Variants in RASSF8 observed in about 807,000 individuals in gnomAD.
The protein encoded by RASSF8 is Ras association domain family member 8.
A neutral mutation model predicts 48.5 loss-of-function variants in RASSF8; 22 were observed. The ratio of observed to expected loss-of-function variants is 0.45; its 90% CI spans 0.32 to 0.65. The LOEUF is 0.65. Ranked by LOEUF, RASSF8 falls within the 30% of genes least tolerant of loss-of-function variation. The pLI is 0.03. For missense variants in RASSF8, 418 were observed against 489.2 expected (o/e 0.85, Z 1.37); for synonymous variants, 127 against 171.5 (o/e 0.74, Z 2.03).
downstream of RASSF8, among the ~76,000 whole-genome samples, chr12:26,077,595 G>A (rs970661728): frequency 1.3e-5 from 2 of 152,096 alleles, no homozygotes; most frequent in African/African-American, 4.8e-5. Context: ...TTATTTCTGA[G>A]GCCTCTGTTC....
intron 2 of RASSF8, among the ~76,000 whole-genome samples, chr12:26,044,939 A>G (rs1202633937): frequency 6.6e-6 from 1 of 152,222 alleles, no homozygotes; most frequent in Non-Finnish European, 1.5e-5. Context: ...GTTTTATTAC[A>G]GTGAATAATG....
chr12:25,983,428 A>C (rs975491897), intron 1 of RASSF8, among the ~76,000 whole-genome samples: 6 of 152,238 alleles, frequency 3.9e-5, no homozygotes, highest in African/African-American at 1.4e-4. Flanking sequence ...ATGTGTATGC[A>C]TATGATACAT....
At chr12:26,035,690 GT>G (rs1156592251) in intron 2 of RASSF8, among the ~76,000 whole-genome samples, 2 of 138,604 alleles carry the variant, frequency 1.4e-5, no homozygotes, top group African/African-American at 2.6e-5. Context: ...ATAAACACTT[GT>G]TTTTTTTTAA....
chr12:25,974,540 C>T (rs944984580), intron 1 of RASSF8, among the ~76,000 whole-genome samples: 2 of 150,108 alleles, frequency 1.3e-5, no homozygotes, highest in African/African-American at 2.5e-5. Context: ...CTAGCAGACA[C>T]AGAGCAATAC....
intron 2 of RASSF8, among the ~76,000 whole-genome samples, chr12:26,005,499 A>G (rs1464276102): frequency 6.6e-6 from 1 of 152,224 alleles, no homozygotes; most frequent in Non-Finnish European, 1.5e-5. Context: ...ATTAACCTGA[A>G]TGCAGTAGAG....
Position 26,006,186 on chromosome 12 carries a change from A to C in RASSF8, c.-109+11056A>C, listed in dbSNP as rs148616127. Among the ~76,000 whole-genome samples the C allele has an allele frequency of 1.6e-3, 242 of 152,104 alleles. 1 individual carries two copies. The highest frequency in any genetic ancestry group is 5.5e-3 in the African/African-American group (228 of 41,484). ...GGTCTCTGGCTTCATCCTTATCTCTATCCTTTTCTTCTTCCCTTCCCTTCA... is the reference window on the plus strand; with the variant it reads ...GGTCTCTGGCTTCATCCTTATCTCTCTCCTTTTCTTCTTCCCTTCCCTTCA... On this transcript the variant is annotated intron_variant, in intron 2 of 5. Transcript: ENST00000689635.
Position 25,990,757 on chromosome 12 carries a change from A to AGG in RASSF8, c.-202-4280_-202-4279insGG, listed in dbSNP as rs545344041. Reference sequence around the variant, plus strand: ...TTTATTAGACAACAAAAATTTAGGAATAGTTTAGAATTCTGTAGTATTTAT... The same window carrying AGG: ...TTTATTAGACAACAAAAATTTAGGAAGGTAGTTTAGAATTCTGTAGTATTTAT... On this transcript the variant is annotated intron_variant, in intron 1 of 5. Transcript: ENST00000689635. Among the ~76,000 whole-genome samples the AGG allele has an allele frequency of 3.4e-3, 519 of 152,212 alleles. 2 individuals carry two copies. Among genetic ancestry groups the AGG allele is most frequent in the African/African-American group, 0.011 (474 of 41,540 alleles).
At chr12:25,977,455 G>A (rs1474632835) in intron 1 of RASSF8, among the ~76,000 whole-genome samples, 1 of 151,924 alleles carries the variant, frequency 6.6e-6, no homozygotes. Context: ...TTCCTACTAA[G>A]TCTCTTTCAT....
chr12:26,000,093 G>A (rs1942221088), intron 2 of RASSF8, among the ~76,000 whole-genome samples: 1 of 152,130 alleles, frequency 6.6e-6, no homozygotes, highest in South Asian at 2.1e-4. Context: ...GAATAAATAA[G>A]AGCCAAGAAA....
chr12:25,980,925 A>G (rs1394364312), intron 1 of RASSF8, among the ~76,000 whole-genome samples: 1 of 152,226 alleles, frequency 6.6e-6, no homozygotes, highest in African/African-American at 2.4e-5. Context: ...GAGGGGCATT[A>G]TTAGCATATT....
At chr12:26,047,240 T>C (rs1943391551) in intron 2 of RASSF8, among the ~76,000 whole-genome samples, 1 of 152,218 alleles carries the variant, frequency 6.6e-6, no homozygotes, top group African/African-American at 2.4e-5. Context: ...ATATTTCTTA[T>C]TTATGAGATT....
chr12:26,005,678 C>T (rs1482895815), intron 2 of RASSF8, among the ~76,000 whole-genome samples: 1 of 152,140 alleles, frequency 6.6e-6, no homozygotes, highest in Non-Finnish European at 1.5e-5. Context: ...CTTTGAGGAA[C>T]ATATAGTCTC....
chr12:26,038,244 C>A (rs1365484993), intron 2 of RASSF8, among the ~76,000 whole-genome samples: 3 of 152,088 alleles, frequency 2.0e-5, no homozygotes, highest in African/African-American at 7.2e-5. Flanking sequence ...GAACCTCAGT[C>A]CCTTTGGAAA....
intron 1 of RASSF8, among the ~76,000 whole-genome samples, chr12:25,977,635 G>A (rs967563111): frequency 2.0e-5 from 3 of 150,734 alleles, no homozygotes; most frequent in African/African-American, 7.3e-5. Flanking sequence ...AATATGATTT[G>A]CCAACTTTAG....
chr12:26,014,883 C>A (rs1165298246), intron 2 of RASSF8, among the ~76,000 whole-genome samples: 1 of 151,912 alleles, frequency 6.6e-6, no homozygotes, highest in Non-Finnish European at 1.5e-5. Flanking sequence ...CCTTACTATA[C>A]TTCAGTGGAA....
At chr12:26,011,648 A>G (rs958995647) in intron 2 of RASSF8, 8 of 152,204 alleles carry the variant, frequency 5.3e-5, no homozygotes, top group African/African-American at 1.2e-4. Context: ...AAGTAGGGCC[A>G]TCATAAATGG....
At chr12:26,021,030 T>C (rs1942775644) in intron 2 of RASSF8, among the ~76,000 whole-genome samples, 1 of 152,212 alleles carries the variant, frequency 6.6e-6, no homozygotes, top group Non-Finnish European at 1.5e-5. Context: ...TGTAAAAATC[T>C]AGGAGAATTC....
intron 2 of RASSF8, among the ~76,000 whole-genome samples, chr12:25,999,299 A>C (rs968242882): frequency 6.6e-6 from 1 of 152,254 alleles, no homozygotes; most frequent in African/African-American, 2.4e-5. Flanking sequence ...GATATTGATA[A>C]CAATGACTAA....
At chr12:26,056,407 T>C (rs1017344981) in intron 3 of RASSF8, among the ~76,000 whole-genome samples, 1 of 152,226 alleles carries the variant, frequency 6.6e-6, no homozygotes, top group Non-Finnish European at 1.5e-5. Context: ...CTTAAGTCTT[T>C]CATTTAACAA....
Sources: gnomAD v4.1 joint callset for allele counts (sites outside exome capture counted in the v4.1 genomes callset) on GRCh38, gnomAD v4.1.1 for gene constraint, MANE v1.5 for transcripts, NCBI Gene and HGNC (gene_info 2026-07-23, HGNC 2026-07-21) for gene names.